Variants in TMX4 observed in about 807,000 individuals in gnomAD.
The protein encoded by TMX4 is thioredoxin related transmembrane protein 4.
TMX4 carries 23 observed loss-of-function variants against 33.3 expected under a neutral mutation model. The ratio of observed to expected loss-of-function variants is 0.69; its 90% CI spans 0.50 to 0.98. The LOEUF (loss-of-function observed/expected upper bound fraction) is 0.98. Ranked by LOEUF, TMX4 falls within the 50% of genes least tolerant of loss-of-function variation. The pLI, the probability that TMX4 is intolerant of heterozygous loss-of-function variation, is 0.00. For missense variants in TMX4, 399 were observed against 448.9 expected (o/e 0.89, Z 1.01); for synonymous variants, 164 against 161.5 (o/e 1.02, Z -0.12).
At chr20:8,011,910 C>T (rs1358362461) in intron 1 of TMX4, among the ~76,000 whole-genome samples, 1 of 152,040 alleles carries the variant, frequency 6.6e-6, no homozygotes, top group East Asian at 1.9e-4. Flanking sequence ...TTTTTTTAAA[C>T]CTTCGTGTCT....
intron 2 of TMX4, among the ~76,000 whole-genome samples, chr20:8,003,663 T>C (rs1269031431): frequency 1.3e-5 from 2 of 152,126 alleles, no homozygotes; most frequent in African/African-American, 4.8e-5. Context: ...AGAAAAAGTA[T>C]CAAAGTCACA....
At chr20:7,999,068 T>C (rs147682391) in intron 4 of TMX4, among the ~76,000 whole-genome samples, 85 of 152,206 alleles carry the variant, frequency 5.6e-4, no homozygotes, top group African/African-American at 1.9e-3. Flanking sequence ...AATATTAATA[T>C]AGATGCCACT....
chr20:7,996,480 T>C (rs187881621), intron 4 of TMX4, among the ~76,000 whole-genome samples: 28 of 152,310 alleles, frequency 1.8e-4, no homozygotes, highest in African/African-American at 6.3e-4. Context: ...AACGTACACA[T>C]CTTCCCATCC....
At position 7,979,196 on chromosome 20, in the gene TMX4, A is replaced by T. The variant is rs147506692; in HGVS notation, c.*3055T>A. 61 of 152,310 alleles carry T rather than the reference A, an allele frequency of 4.0e-4. No individual in the cohort carries two copies. Among genetic ancestry groups the T allele is most frequent in the African/African-American group, 1.4e-3 (57 of 41,562 alleles). The allele number at this position is 152,310 out of a possible 1,614,324, so 9.4% of individuals were successfully genotyped here. A position where few individuals can be genotyped will look rare whatever the true frequency, so the allele number is the denominator to read the frequency against. The stretch of plus-strand genomic sequence containing the variant: ...TATCGAAATGTTCATATAAAGTTTA[A>T]ATTATTTCAGGTTGGCTTTTCTCCT... On this transcript the variant is annotated 3_prime_UTR_variant, in exon 8 of 8. Transcript: ENST00000246024.
At chr20:8,003,949 G>A (rs1380236994) in intron 2 of TMX4, among the ~76,000 whole-genome samples, 1 of 152,012 alleles carries the variant, frequency 6.6e-6, no homozygotes, top group Admixed American at 6.6e-5. Context: ...TTAACAATGA[G>A]GTTGCAGCAC....
intron 2 of TMX4, among the ~76,000 whole-genome samples, chr20:8,001,757 G>C (rs1193042660): frequency 6.6e-6 from 1 of 152,114 alleles, no homozygotes; most frequent in African/African-American, 2.4e-5. Flanking sequence ...ATTGTAAGGA[G>C]GCTGAAAGGA....
chr20:7,990,226 C>T lies in TMX4; in HGVS notation c.514-2837G>A, dbSNP rs150735802. 8.5e-3 allele frequency among the ~76,000 whole-genome samples: 1,291 copies of T among 151,290 alleles called. 16 individuals are homozygous for T. The highest frequency in any genetic ancestry group is 0.03 in the African/African-American group (1,217 of 41,142). ...AGGAGAATTGCTTGAACACGGTAGG[C>T]GGAGGTTGCAGTGAGCTGAGATCGC... On this transcript the variant is annotated intron_variant, in intron 5 of 7. Coordinates refer to ENST00000246024, the MANE Select transcript of TMX4 (RefSeq NM_021156.4).
At position 8,019,703 on chromosome 20, in the gene TMX4, G is replaced by A; in HGVS notation, c.-90C>T. On this transcript the variant is annotated 5_prime_UTR_variant, in exon 1 of 8. Transcript: ENST00000246024. ...TCGCTCGCCCGCCGGGTTTTTCAAG[G>A]AAGCGGGAGACGCAAGGGCCACCCC... is the stretch of plus-strand genomic sequence containing the variant. The A allele has an allele frequency of 3.4e-6, 4 of 1,174,380 alleles. No individual in the cohort carries two copies. The highest frequency in any genetic ancestry group is 3.2e-6 in the Non-Finnish European group (3 of 923,702). The allele number at this position is 1,174,380 out of a possible 1,614,324, so 72.7% of individuals were successfully genotyped here. A position where few individuals can be genotyped will look rare whatever the true frequency, so the allele number is the denominator to read the frequency against.
chr20:7,982,580 A>G lies in TMX4; in HGVS notation c.721T>C (p.Leu241=). The change falls in exon 8 of 8, where the codon TTG becomes CTG. Residue 241 remains leucine, a synonymous_variant. Transcript: ENST00000246024. The part of the protein sequence containing the change: ...RSEEAHRAEQ[L]QDAEEEKDDS... ...TCTTTTTCCTCCTCCGCATCCTGCA[A>G]CTGTTCAGCTCTATGAGCCTCCTCT... The G allele has an allele frequency of 6.2e-7, 1 of 1,613,632 alleles. No individual in the cohort carries two copies. The highest frequency in any genetic ancestry group is 1.7e-4 in the Middle Eastern group (1 of 6,056).
chr20:7,998,502 C>A (rs1239037104), intron 4 of TMX4, among the ~76,000 whole-genome samples: 1 of 152,162 alleles, frequency 6.6e-6, no homozygotes, highest in African/African-American at 2.4e-5. Flanking sequence ...TTCTTGCCCT[C>A]TCCAATCTCC....
intron 1 of TMX4, among the ~76,000 whole-genome samples, chr20:8,012,091 T>C (rs1236146770): frequency 4.6e-5 from 7 of 152,130 alleles, no homozygotes; most frequent in Admixed American, 3.9e-4. Flanking sequence ...ACTCAGGCAG[T>C]TGGCAAACTT....
chr20:7,992,970 C>G (rs1169928042), intron 5 of TMX4, among the ~76,000 whole-genome samples: 1 of 152,190 alleles, frequency 6.6e-6, no homozygotes, highest in Non-Finnish European at 1.5e-5. Flanking sequence ...CTGTTGATCT[C>G]TAAGCATTTT....
At chr20:8,019,294 G>C in intron 1 of TMX4, 144 bp downstream of exon 1, 1 of 1,014,850 alleles carries the variant, frequency 9.9e-7, no homozygotes, top group Non-Finnish European at 1.4e-6. Context: ...GCCCGGCACC[G>C]GCGCCGCAGG....
chr20:7,992,653 C>T (rs1349482578), intron 5 of TMX4, among the ~76,000 whole-genome samples: 1 of 152,106 alleles, frequency 6.6e-6, no homozygotes, highest in Non-Finnish European at 1.5e-5. Context: ...GATAGGAATT[C>T]GGCCATGTGA....
rs1189106782 is a variant in TMX4, at chr20:7,980,426, T to C, written c.*1825A>G. 1 of 152,202 alleles carries C rather than the reference T, an allele frequency of 6.6e-6. No homozygotes were observed. Among genetic ancestry groups the C allele is most frequent in the Non-Finnish European group, 1.5e-5 (1 of 68,074 alleles). The allele number at this position is 152,202 out of a possible 1,614,324, so 9.4% of individuals were successfully genotyped here. ...CCGCTCTGCTCTGATCGAGAAAAGCTTCCTGATGTCAGGGAGATGGAACTG... is the reference window on the plus strand; with the variant it reads ...CCGCTCTGCTCTGATCGAGAAAAGCCTCCTGATGTCAGGGAGATGGAACTG... On this transcript the variant is annotated 3_prime_UTR_variant, in exon 8 of 8. Coordinates refer to ENST00000246024, the MANE Select transcript of TMX4 (RefSeq NM_021156.4).
intron 4 of TMX4, among the ~76,000 whole-genome samples, chr20:7,998,795 C>T (rs954600965): frequency 5.9e-5 from 9 of 152,168 alleles, no homozygotes; most frequent in Non-Finnish European, 1.0e-4. Flanking sequence ...CACCTAGAGG[C>T]GTCCCTTCAG....
intron 1 of TMX4, among the ~76,000 whole-genome samples, chr20:8,015,021 T>G (rs1415631668): frequency 6.6e-6 from 1 of 151,730 alleles, no homozygotes; most frequent in Non-Finnish European, 1.5e-5. Flanking sequence ...TTTTTTTTTT[T>G]TATCTCCACT....
chr20:8,019,392 C>A (rs2050800847), intron 1 of TMX4, 46 bp downstream of exon 1: 1 of 1,499,254 alleles, frequency 6.7e-7, no homozygotes, highest in East Asian at 2.9e-5. Flanking sequence ...GGGAGGGTGA[C>A]GCCCGCGAGG....
At chr20:8,017,030 T>A (rs1415831464) in intron 1 of TMX4, among the ~76,000 whole-genome samples, 3 of 152,176 alleles carry the variant, frequency 2.0e-5, no homozygotes, top group African/African-American at 7.2e-5. Flanking sequence ...TTAAATGAAT[T>A]CTTAGAAATT....
Sources: gnomAD v4.1 joint callset for allele counts (sites outside exome capture counted in the v4.1 genomes callset) on GRCh38, gnomAD v4.1.1 for gene constraint, MANE v1.5 for transcripts, NCBI Gene and HGNC (gene_info 2026-07-23, HGNC 2026-07-21) for gene names.